STK39: variants seen among roughly 807,000 people sequenced by gnomAD.
STK39 encodes serine/threonine kinase 39.
In STK39, 20 loss-of-function variants were observed where a neutral mutation model predicts 77.8. The observed-to-expected ratio is 0.26, with a 90% CI of 0.18 to 0.37. The LOEUF is 0.37. Among genes scored for constraint, STK39 ranks in the 10% least tolerant of loss-of-function variants. The pLI is 1.00. For missense variants in STK39, 479 were observed against 656.5 expected, an observed-to-expected ratio of 0.73 and a Z score of 2.95; for synonymous variants, 246 against 234.1, an observed-to-expected ratio of 1.05 and a Z score of -0.47.
intron 10 of STK39, among the ~76,000 whole-genome samples, chr2:168,117,410 C>T (rs1331870711): frequency 6.6e-6 from 1 of 152,168 alleles, no homozygotes; most frequent in Non-Finnish European, 1.5e-5. Context: ...GACCAAAATA[C>T]TATGTTGGGT....
chr2:168,172,391 T>C (rs1216893563), intron 2 of STK39, among the ~76,000 whole-genome samples: 3 of 152,214 alleles, frequency 2.0e-5, no homozygotes, highest in Non-Finnish European at 4.4e-5. Flanking sequence ...TGGTCATGAA[T>C]TTTTAACCTC....
At chr2:168,028,711 T>A (rs1233111678) in intron 14 of STK39, among the ~76,000 whole-genome samples, 1 of 152,182 alleles carries the variant, frequency 6.6e-6, no homozygotes, top group Non-Finnish European at 1.5e-5. Context: ...TATTTGTGCC[T>A]TTAAGTTTAG....
intron 1 of STK39, among the ~76,000 whole-genome samples, chr2:168,196,074 A>T (rs186993437): frequency 7.0e-4 from 107 of 152,374 alleles, no homozygotes; most frequent in African/African-American, 2.5e-3. Flanking sequence ...GGAAGAAGTT[A>T]TCAAACACAT....
chr2:168,231,765 T>G (rs556912311), intron 1 of STK39, among the ~76,000 whole-genome samples: 1 of 152,216 alleles, frequency 6.6e-6, no homozygotes, highest in African/African-American at 2.4e-5. Context: ...ACCACGTGTC[T>G]GGGTGAAGGG....
chr2:168,132,988 C>A lies in STK39; in HGVS notation c.975-3230G>T, dbSNP rs139028169. The stretch of plus-strand genomic sequence containing the variant: ...CCAAAATCTATGCATCTGTTCAATA[C>A]AGCGGGGAACAGGAGAAAGACTTAA... On this transcript the variant is annotated intron_variant, in intron 8 of 17. Coordinates refer to ENST00000355999, the MANE Select transcript of STK39 (RefSeq NM_013233.3). Among the ~76,000 whole-genome samples the A allele has an allele frequency of 4.4e-3, 668 of 152,300 alleles. 1 individual carries two copies. Among genetic ancestry groups the A allele is most frequent in the Non-Finnish European group, 6.2e-3 (421 of 68,024 alleles).
intron 5 of STK39, 139 bp from the exon 6 acceptor site, chr2:168,140,897 G>A: frequency 1.6e-6 from 1 of 626,678 alleles, no homozygotes; most frequent in Non-Finnish European, 2.6e-6. Context: ...TGCTCTCTCA[G>A]GAAAAAAAAG....
At chr2:167,999,690 C>T (rs1683945270) in intron 16 of STK39, among the ~76,000 whole-genome samples, 1 of 152,078 alleles carries the variant, frequency 6.6e-6, no homozygotes, top group African/African-American at 2.4e-5. Context: ...TCTCGATTTC[C>T]TGACCTCATG....
intron 14 of STK39, among the ~76,000 whole-genome samples, chr2:168,033,187 T>C (rs2105341432): frequency 6.6e-6 from 1 of 152,214 alleles, no homozygotes; most frequent in African/African-American, 2.4e-5. Context: ...CTTGACAACA[T>C]TTCTAGGTAC....
At chr2:167,961,387 A>G (rs1045802248) in intron 17 of STK39, among the ~76,000 whole-genome samples, 13 of 152,244 alleles carry the variant, frequency 8.5e-5, no homozygotes, top group Non-Finnish European at 1.9e-4. Flanking sequence ...GATGTTAATT[A>G]CATGTTCTCA....
chr2:168,025,454 C>A (rs1684671594), intron 14 of STK39, among the ~76,000 whole-genome samples: 4 of 152,206 alleles, frequency 2.6e-5, no homozygotes, highest in Admixed American at 2.6e-4. Context: ...CCGTTTCTCT[C>A]AAACTTCACT....
chr2:168,055,877 A>T (rs1685510362), intron 14 of STK39, among the ~76,000 whole-genome samples: 1 of 152,246 alleles, frequency 6.6e-6, no homozygotes, highest in African/African-American at 2.4e-5. Context: ...TACTGACAGT[A>T]TATAAATTAC....
chr2:168,234,167 G>T (rs1690535499), intron 1 of STK39, among the ~76,000 whole-genome samples: 1 of 152,154 alleles, frequency 6.6e-6, no homozygotes, highest in South Asian at 2.1e-4. Context: ...ACTACTTACA[G>T]CCATCATAAC....
In STK39 at chr2:168,241,272, C is replaced by A. The variant is rs546678533; in HGVS notation, c.208+5956G>T. On this transcript the variant is annotated intron_variant, in intron 1 of 17. Coordinates refer to ENST00000355999, the MANE Select transcript of STK39 (RefSeq NM_013233.3). The stretch of plus-strand genomic sequence containing the variant: ...CTGAAAATGAAGGCCTCTGTCCTCG[C>A]ACTGGCTGGGACACACAGGGAGCGT... Among the ~76,000 whole-genome samples the A allele has an allele frequency of 2.4e-3, 361 of 152,348 alleles. 2 individuals carry two copies. Among genetic ancestry groups the A allele is most frequent in the African/African-American group, 8.1e-3 (335 of 41,576 alleles).
Position 168,184,606 on chromosome 2 carries a change from G to A in STK39, c.209-2516C>T, listed in dbSNP as rs1033820375. Among the ~76,000 whole-genome samples, 4 of 151,904 alleles carry A rather than the reference G, an allele frequency of 2.6e-5. No individual in the cohort carries two copies. In the South Asian group the frequency reaches 8.3e-4, roughly 32 times the overall value. On this transcript the variant is annotated intron_variant, in intron 1 of 17. Coordinates refer to ENST00000355999, the MANE Select transcript of STK39 (RefSeq NM_013233.3). Reference sequence around the variant, plus strand: ...ATGTGTTTCCTGCAGCAATTGGAAAGCACAGGATTAGGACCCTAGGCATAC... The same window carrying A: ...ATGTGTTTCCTGCAGCAATTGGAAAACACAGGATTAGGACCCTAGGCATAC...
At chr2:168,224,815 G>C (rs534250832) in intron 1 of STK39, among the ~76,000 whole-genome samples, 1 of 152,148 alleles carries the variant, frequency 6.6e-6, no homozygotes, top group Non-Finnish European at 1.5e-5. Flanking sequence ...TTCTGAGTAC[G>C]TTGTTCATTT....
chr2:168,236,687 A>G (rs958836699), intron 1 of STK39, among the ~76,000 whole-genome samples: 10 of 152,184 alleles, frequency 6.6e-5, no homozygotes, highest in African/African-American at 2.4e-4. Context: ...TTTTCCCAGT[A>G]CCATTTATTA....
intron 10 of STK39, among the ~76,000 whole-genome samples, chr2:168,126,458 G>A (rs767907541): frequency 2.6e-5 from 4 of 152,024 alleles, no homozygotes; most frequent in Non-Finnish European, 4.4e-5. Flanking sequence ...CATTGCACAG[G>A]GTGATTAAAA....
chr2:168,061,564 G>A (rs1685666422), intron 14 of STK39, among the ~76,000 whole-genome samples: 7 of 152,148 alleles, frequency 4.6e-5, no homozygotes, highest in Admixed American at 4.6e-4. Flanking sequence ...TCTTCCTGGA[G>A]CGTCATGTAG....
At chr2:168,007,871 G>A (rs934175477) in intron 16 of STK39, among the ~76,000 whole-genome samples, 3 of 152,126 alleles carry the variant, frequency 2.0e-5, no homozygotes, top group Non-Finnish European at 4.4e-5. Context: ...ACACAATCTG[G>A]CTTACTTTTA....
Sources: gnomAD v4.1 joint callset for allele counts (sites outside exome capture counted in the v4.1 genomes callset) on GRCh38, gnomAD v4.1.1 for gene constraint, MANE v1.5 for transcripts, NCBI Gene and HGNC (gene_info 2026-07-23, HGNC 2026-07-21) for gene names.